Variants in TEX11 observed in about 807,000 individuals in gnomAD.
The protein encoded by TEX11 is testis-expressed protein 11.
TEX11 carries 7 observed loss-of-function variants against 84.4 expected under a neutral mutation model. The observed-to-expected ratio is 0.08, with a 90% confidence interval of 0.05 to 0.16. The LOEUF is 0.16. TEX11 is among the 10% of genes least tolerant of loss of function. The pLI is 1.00. For missense variants in TEX11, 551 were observed against 660.5 expected, an observed-to-expected ratio of 0.83 and a Z score of 1.82; for synonymous variants, 264 against 222.8, an observed-to-expected ratio of 1.18 and a Z score of -1.64.
chrX:70,899,271 C>T (rs1215875582), intron 2 of TEX11, among the ~76,000 whole-genome samples: 5 of 111,239 alleles, frequency 4.5e-5, no homozygotes, highest in Non-Finnish European at 9.4e-5. Flanking sequence ...TTGGGATGTG[C>T]TTTAATTGTA....
chrX:70,640,778 A>G (rs1406347948), intron 17 of TEX11, among the ~76,000 whole-genome samples: 5 of 111,194 alleles, frequency 4.5e-5, no homozygotes, highest in Middle Eastern at 4.6e-3. Flanking sequence ...AGCACTGAAC[A>G]TGGAAAGGAA....
chrX:70,800,586 G>A (rs191022026), intron 9 of TEX11, among the ~76,000 whole-genome samples: 2 of 110,535 alleles, frequency 1.8e-5, no homozygotes, highest in African/African-American at 6.5e-5. Context: ...TGAAAATATG[G>A]AGAAAAGACT....
chrX:70,545,323 T>C (rs1166987990), intron 28 of TEX11, among the ~76,000 whole-genome samples: 5 of 112,666 alleles, frequency 4.4e-5, no homozygotes, highest in African/African-American at 1.6e-4. Context: ...CTCCTTATTG[T>C]ATAAGTGTTT....
At chrX:70,653,425 A>C (rs1352846110) in intron 16 of TEX11, among the ~76,000 whole-genome samples, 1 of 112,550 alleles carries the variant, frequency 8.9e-6, no homozygotes, top group Non-Finnish European at 1.9e-5. Flanking sequence ...ATGGCAAATA[A>C]GTATATGAAA....
chrX:70,864,257 A>G (rs766291441), intron 4 of TEX11, among the ~76,000 whole-genome samples: 1 of 111,249 alleles, frequency 9.0e-6, no homozygotes, highest in East Asian at 2.8e-4. Flanking sequence ...CTCCTCAAGA[A>G]GAGCAACCCC....
chrX:70,670,360 T>C lies in TEX11; in HGVS notation c.1380+17A>G, dbSNP rs1287328584. On this transcript the variant is annotated intron_variant, in intron 16 of 29. Coordinates refer to ENST00000374333, the MANE Select transcript of TEX11 (RefSeq NM_031276.3). The stretch of plus-strand genomic sequence containing the variant: ...TAAGAACATTTGCTACCTCTGAAAA[T>C]AGATAAATCAAAGGACCTTATCAAG... The C allele has an allele frequency of 2.5e-6, 3 of 1,199,558 alleles. No individual in the cohort carries two copies. Among genetic ancestry groups the C allele is most frequent in the South Asian group, 1.8e-5 (1 of 54,161 alleles).
chrX:70,648,552 A>G (rs1387285196), intron 17 of TEX11, among the ~76,000 whole-genome samples: 1 of 111,430 alleles, frequency 9.0e-6, no homozygotes, highest in Non-Finnish European at 1.9e-5. Flanking sequence ...AAAAATCAGT[A>G]ATAATAAAAC....
In TEX11 at chrX:70,744,159, C is replaced by T; in HGVS notation, c.747+6G>A. The T allele has an allele frequency of 9.6e-7, 1 of 1,044,969 alleles. No individual in the cohort carries two copies. The highest frequency in any genetic ancestry group is 1.2e-6 in the Non-Finnish European group (1 of 801,311). 86.1% of individuals were successfully genotyped at this position (1,044,969 alleles called of 1,213,427 possible). A position where few individuals can be genotyped will look rare whatever the true frequency, so the allele number is the denominator to read the frequency against. On this transcript the variant is annotated splice_donor_region_variant and intron_variant, in intron 10 of 29. Coordinates refer to ENST00000374333, the MANE Select transcript of TEX11 (RefSeq NM_031276.3). ...CTATTTCTACAATATTTAACATGAT[C>T]CTTACCAGCATTTCTGGCCCAGTAG...
chrX:70,612,234 A>G (rs187364061), intron 20 of TEX11, among the ~76,000 whole-genome samples: 1 of 111,375 alleles, frequency 9.0e-6, no homozygotes, highest in East Asian at 2.8e-4. Context: ...AGTTCCTTTT[A>G]CCTGGTACAT....
chrX:70,543,048 G>A (rs1200068499), intron 28 of TEX11, among the ~76,000 whole-genome samples: 2 of 110,573 alleles, frequency 1.8e-5, no homozygotes, highest in Non-Finnish European at 3.8e-5. Flanking sequence ...CGGGTGTGGT[G>A]GCGGGTGCCT....
intron 13 of TEX11, among the ~76,000 whole-genome samples, chrX:70,686,108 A>G (rs1460731789): frequency 9.0e-6 from 1 of 111,633 alleles, no homozygotes; most frequent in Admixed American, 9.5e-5. Flanking sequence ...CTTTTGTTCA[A>G]CCATTGTGGA....
chrX:70,750,933 A>AAAAT lies in TEX11; in HGVS notation c.693-6715_693-6714insATTT, dbSNP rs1390175136. 5.4e-3 allele frequency among the ~76,000 whole-genome samples: 151 copies of AAAAT among 28,171 alleles called. 3 individuals carry two copies. The highest frequency in any genetic ancestry group is 6.5e-3 in the Non-Finnish European group (93 of 14,334). 24.5% of individuals were successfully genotyped at this position (28,171 alleles called of 115,157 possible). ...ACTTAAAGTATAATAAAAAAAAAAA[A>AAAAT]ATATATATATATATATATATATATA... On this transcript the variant is annotated intron_variant, in intron 9 of 29. Transcript: ENST00000374333.
chrX:70,547,555 C>A (rs1434398674), intron 28 of TEX11, among the ~76,000 whole-genome samples: 1 of 111,113 alleles, frequency 9.0e-6, no homozygotes, highest in Admixed American at 9.6e-5. Context: ...CTACAATGAA[C>A]TCAAACAAAT....
At chrX:70,683,921 T>C (rs2090166830) in intron 13 of TEX11, among the ~76,000 whole-genome samples, 1 of 112,139 alleles carries the variant, frequency 8.9e-6, no homozygotes, top group South Asian at 3.7e-4. Flanking sequence ...GACCATTTAA[T>C]GGTGATAGGA....
At chrX:70,780,032 C>T (rs73634836) in intron 9 of TEX11, among the ~76,000 whole-genome samples, 4 of 111,010 alleles carry the variant, frequency 3.6e-5, no homozygotes, top group African/African-American at 1.3e-4. Flanking sequence ...CTTGGGAGGC[C>T]GAGGTGTGCA....
intron 2 of TEX11, among the ~76,000 whole-genome samples, chrX:70,887,585 T>C (rs1406136550): frequency 8.9e-6 from 1 of 112,030 alleles, no homozygotes; most frequent in Non-Finnish European, 1.9e-5. Context: ...GTCTAAGGTT[T>C]CCATCTCCAG....
At chrX:70,874,395 C>CT (rs34210812) in intron 3 of TEX11, among the ~76,000 whole-genome samples, 13,181 of 47,914 alleles carry the variant, frequency 0.28, 1,489 homozygotes, top group East Asian at 0.4. Context: ...TGATGACTTC[C>CT]TTTTTTTTTT....
intron 9 of TEX11, among the ~76,000 whole-genome samples, chrX:70,754,555 G>A (rs2090853587): frequency 8.9e-6 from 1 of 111,818 alleles, no homozygotes; most frequent in Non-Finnish European, 1.9e-5. Context: ...ACACAGGCCT[G>A]GCTGGCTTTG....
chrX:70,904,259 A>G (rs183851140), intron 2 of TEX11, among the ~76,000 whole-genome samples: 1 of 111,472 alleles, frequency 9.0e-6, no homozygotes, highest in East Asian at 2.8e-4. Context: ...AAACTTGACT[A>G]AAAAGTTTAT....
Sources: gnomAD v4.1 joint callset for allele counts (sites outside exome capture counted in the v4.1 genomes callset) on GRCh38, gnomAD v4.1.1 for gene constraint, MANE v1.5 for transcripts, NCBI Gene and HGNC (gene_info 2026-07-23, HGNC 2026-07-21) for gene names.